The following SYT9 variants were observed in gnomAD, a reference collection of about 807,000 sequenced individuals.
SYT9 encodes the protein synaptotagmin 9, also known as synaptotagmin-9.
Under a neutral mutation model 48.4 loss-of-function variants are expected in SYT9, and 22 were observed. That is an observed-to-expected ratio of 0.45 (90% confidence interval 0.32 to 0.65). The LOEUF is 0.65. Among genes scored for constraint, SYT9 ranks in the 30% least tolerant of loss-of-function variants. The probability of loss-of-function intolerance (pLI) is 0.03; values close to 1 mark genes in which losing one functional copy is unlikely to be tolerated. For missense variants in SYT9, 577 were observed against 622.0 expected (o/e 0.93, Z 0.77); for synonymous variants, 265 against 245.0 (o/e 1.08, Z -0.76).
chr11:7,280,972 GT>G (rs1056909677), intron 1 of SYT9, among the ~76,000 whole-genome samples: 2 of 152,108 alleles, frequency 1.3e-5, no homozygotes, highest in Non-Finnish European at 2.9e-5. Context: ...ATATAATTTA[GT>G]TTTTCATGGT....
intron 6 of SYT9, among the ~76,000 whole-genome samples, chr11:7,455,673 C>G (rs79480178): frequency 0.12 from 18,971 of 152,054 alleles, 1,438 homozygotes; most frequent in African/African-American, 0.18. Context: ...TTCCCAAATA[C>G]AGAAAAACAC....
chr11:7,251,989 C>T lies in SYT9; in HGVS notation c.-198C>T, dbSNP rs1847875789. On this transcript the variant is annotated 5_prime_UTR_variant, in exon 1 of 7. Coordinates refer to ENST00000318881, the MANE Select transcript of SYT9 (RefSeq NM_175733.4). ...GGGAGAGAGAGAAAGCCTGACCGAC[C>T]GGCTGGCGAAGAGCTGCATGCAACC... is the stretch of plus-strand genomic sequence containing the variant. The T allele has an allele frequency of 4.0e-6, 2 of 495,500 alleles. No homozygotes were observed. The highest frequency in any genetic ancestry group is 4.4e-5 in the Admixed American group (1 of 22,604). The allele number at this position is 495,500 out of a possible 1,614,324, so 30.7% of individuals were successfully genotyped here.
chr11:7,376,757 T>C (rs970142234), intron 3 of SYT9, among the ~76,000 whole-genome samples: 1 of 152,002 alleles, frequency 6.6e-6, no homozygotes, highest in Non-Finnish European at 1.5e-5. Context: ...AAAATTCTCA[T>C]AGGAATTTTT....
At chr11:7,358,144 G>T (rs1007412213) in intron 3 of SYT9, among the ~76,000 whole-genome samples, 38 of 152,072 alleles carry the variant, frequency 2.5e-4, no homozygotes, top group African/African-American at 9.2e-4. Context: ...TATAGAAAGG[G>T]TTAAAGAACG....
chr11:7,368,992 A>G (rs1453679566), intron 3 of SYT9, among the ~76,000 whole-genome samples: 1 of 152,186 alleles, frequency 6.6e-6, no homozygotes, highest in Non-Finnish European at 1.5e-5. Flanking sequence ...CTTTGGGTAT[A>G]TATCCAGTAA....
At chr11:7,357,139 T>A (rs545953451) in intron 3 of SYT9, among the ~76,000 whole-genome samples, 1 of 152,288 alleles carries the variant, frequency 6.6e-6, no homozygotes, top group African/African-American at 2.4e-5. Context: ...TCAAAGAGAA[T>A]TTCGTGATGA....
At chr11:7,382,144 C>T (rs142463219) in intron 3 of SYT9, among the ~76,000 whole-genome samples, 29 of 152,250 alleles carry the variant, frequency 1.9e-4, no homozygotes, top group African/African-American at 7.0e-4. Flanking sequence ...CTGTGCAACT[C>T]GTGTATGACA....
chr11:7,258,811 C>G (rs1263147769), intron 1 of SYT9, among the ~76,000 whole-genome samples: 1 of 152,056 alleles, frequency 6.6e-6, no homozygotes, highest in Non-Finnish European at 1.5e-5. Context: ...AGCCGTGGTC[C>G]ACAAACATGT....
intron 6 of SYT9, chr11:7,440,826 G>T (rs1479568049): frequency 3.3e-5 from 5 of 152,196 alleles, no homozygotes; most frequent in African/African-American, 1.2e-4. Context: ...GGACTATGTT[G>T]CTTAGCGACT....
chr11:7,450,951 T>G (rs1429196819), intron 6 of SYT9, among the ~76,000 whole-genome samples: 1 of 152,240 alleles, frequency 6.6e-6, no homozygotes, highest in African/African-American at 2.4e-5. Context: ...GACTTTTCTT[T>G]CTCAGCTGTT....
intron 3 of SYT9, among the ~76,000 whole-genome samples, chr11:7,368,077 A>G (rs2134025732): frequency 6.6e-6 from 1 of 152,362 alleles, no homozygotes; most frequent in African/African-American, 2.4e-5. Context: ...GTCTGACTCC[A>G]GAGGCCACAC....
chr11:7,376,910 T>C (rs1447235271), intron 3 of SYT9, among the ~76,000 whole-genome samples: 1 of 151,804 alleles, frequency 6.6e-6, no homozygotes, highest in East Asian at 1.9e-4. Flanking sequence ...TCTGATGATA[T>C]GTGATCATTC....
chr11:7,467,531 G>A lies in SYT9; in HGVS notation c.*731G>A, dbSNP rs965317202. On this transcript the variant is annotated 3_prime_UTR_variant, in exon 7 of 7. Coordinates refer to ENST00000318881, the MANE Select transcript of SYT9 (RefSeq NM_175733.4). ...CCCAACACTACTCACTCAGTAGCTA[G>A]CAGCCCCTTCCTTTCAACTGGGAGT... 2 of 152,212 alleles carry A rather than the reference G, an allele frequency of 1.3e-5. No homozygotes were observed. Among genetic ancestry groups the A allele is most frequent in the East Asian group, 3.8e-4 (2 of 5,202 alleles). 9.4% of individuals were successfully genotyped at this position (152,212 alleles called of 1,614,324 possible). A position where few individuals can be genotyped will look rare whatever the true frequency, so the allele number is the denominator to read the frequency against.
chr11:7,336,830 C>T (rs555844220), intron 3 of SYT9, among the ~76,000 whole-genome samples: 1 of 151,750 alleles, frequency 6.6e-6, no homozygotes, highest in African/African-American at 2.4e-5. Flanking sequence ...CCTGGCTATT[C>T]GAGCTCTTTT....
At chr11:7,273,075 C>T (rs1348414965) in intron 1 of SYT9, among the ~76,000 whole-genome samples, 1 of 152,052 alleles carries the variant, frequency 6.6e-6, no homozygotes, top group Non-Finnish European at 1.5e-5. Context: ...ATCTATAGAA[C>T]ATGAAATGCA....
At chr11:7,433,261 G>A (rs1847644897) in intron 6 of SYT9, among the ~76,000 whole-genome samples, 1 of 152,162 alleles carries the variant, frequency 6.6e-6, no homozygotes, top group African/African-American at 2.4e-5. Context: ...CTGCAGAACT[G>A]TGAACCAATT....
At chr11:7,355,449 T>C (rs1296800457) in intron 3 of SYT9, among the ~76,000 whole-genome samples, 1 of 152,238 alleles carries the variant, frequency 6.6e-6, no homozygotes, top group African/African-American at 2.4e-5. Context: ...TCTCCTAGTA[T>C]CTCTTCTGTT....
At chr11:7,360,350 C>T (rs1285845665) in intron 3 of SYT9, among the ~76,000 whole-genome samples, 3 of 152,070 alleles carry the variant, frequency 2.0e-5, no homozygotes, top group African/African-American at 4.8e-5. Flanking sequence ...TTTTTGGTTC[C>T]ATAAGAACTT....
intron 6 of SYT9, among the ~76,000 whole-genome samples, chr11:7,432,547 CAAAAAAAAAAAAAAA>C (rs67650978): frequency 1.2e-4 from 2 of 16,944 alleles, no homozygotes; most frequent in African/African-American, 2.2e-4. Flanking sequence ...GACTCCATCT[CAAAAAAAAAAAAAAA>C]AAAAAAAAAA....
Sources: allele counts gnomAD v4.1 joint callset (sites outside exome capture counted in the v4.1 genomes callset), GRCh38; gene constraint gnomAD v4.1.1; transcripts MANE v1.5; gene names NCBI Gene and HGNC (gene_info 2026-07-23, HGNC 2026-07-21).